Variants in ABCA13 observed in about 807,000 individuals in gnomAD.
ABCA13 encodes the protein ATP binding cassette subfamily A member 13.
A neutral mutation model predicts 478.7 loss-of-function variants in ABCA13; 476 were observed. That is an observed-to-expected ratio of 0.99 (90% confidence interval 0.92 to 1.07). The LOEUF is 1.07. ABCA13 is among the 50% of genes least tolerant of loss of function. The pLI is 0.00. For missense variants in ABCA13, 6,060 were observed against 5,910.6 expected, an observed-to-expected ratio of 1.03 and a Z score of -0.83; for synonymous variants, 2,252 against 2,158.9, an observed-to-expected ratio of 1.04 and a Z score of -1.20.
At chr7:48,280,837 A>G (rs888913723) in intron 18 of ABCA13, among the ~76,000 whole-genome samples, 2 of 152,208 alleles carry the variant, frequency 1.3e-5, no homozygotes, top group African/African-American at 2.4e-5. Context: ...TTTGACTGCT[A>G]GTTTTCAGAG....
chr7:48,605,818 G>A (rs559379946), intron 58 of ABCA13, among the ~76,000 whole-genome samples: 1 of 152,214 alleles, frequency 6.6e-6, no homozygotes, highest in East Asian at 1.9e-4. Context: ...TTCCAACTTG[G>A]TTCCATTCTC....
intron 29 of ABCA13, among the ~76,000 whole-genome samples, chr7:48,340,576 T>G (rs1018582483): frequency 3.3e-5 from 5 of 152,324 alleles, no homozygotes; most frequent in South Asian, 4.1e-4. Flanking sequence ...TGAATTTATA[T>G]GTACTCATAT....
chr7:48,421,807 C>CCAATCCAA (rs1820774215), intron 41 of ABCA13, among the ~76,000 whole-genome samples: 1 of 152,128 alleles, frequency 6.6e-6, no homozygotes, highest in Non-Finnish European at 1.5e-5. Context: ...ATCTCTAATT[C>CCAATCCAA]CAATCCAATT....
intron 57 of ABCA13, among the ~76,000 whole-genome samples, chr7:48,588,822 T>G (rs1356561296): frequency 6.6e-6 from 1 of 152,090 alleles, no homozygotes; most frequent in Non-Finnish European, 1.5e-5. Context: ...GCCTTTGGAG[T>G]TCTCAACAGA....
intron 31 of ABCA13, among the ~76,000 whole-genome samples, chr7:48,362,617 T>C (rs1811058220): frequency 6.6e-6 from 1 of 151,710 alleles, no homozygotes; most frequent in Non-Finnish European, 1.5e-5. Flanking sequence ...ATCTTGTGTT[T>C]CTTATGCTTA....
At position 48,425,757 on chromosome 7, in the gene ABCA13, T is replaced by TTTATTTATTTATTTATTTA. The variant is rs1215137536; in HGVS notation, c.12460-2007_12460-2006insATTTATTTATTTATTTATT. Among the ~76,000 whole-genome samples, 10 of 112,590 alleles carry TTTATTTATTTATTTATTTA rather than the reference T, an allele frequency of 8.9e-5. 1 individual carries two copies. The highest frequency in any genetic ancestry group is 1.3e-4 in the Non-Finnish European group (7 of 55,800). The allele number at this position is 112,590 out of a possible 152,430, so 73.9% of individuals were successfully genotyped here. A position where few individuals can be genotyped will look rare whatever the true frequency, so the allele number is the denominator to read the frequency against. On this transcript the variant is annotated intron_variant, in intron 41 of 61. Coordinates refer to ENST00000435803, the MANE Select transcript of ABCA13 (RefSeq NM_152701.5). ...TATTTATTTATTTATTTATTTATTTTTTCGAGATGGAGTCTCGCTGTCGCC... is the reference window on the plus strand; with the variant it reads ...TATTTATTTATTTATTTATTTATTTTTTATTTATTTATTTATTTATTCGAGATGGAGTCTCGCTGTCGCC...
At chr7:48,222,667 C>T (rs761246224) in intron 5 of ABCA13, among the ~76,000 whole-genome samples, 5 of 152,004 alleles carry the variant, frequency 3.3e-5, no homozygotes, top group South Asian at 2.1e-4. Context: ...CGTATGTTTG[C>T]GATGTAAAAA....
In ABCA13 at chr7:48,469,717, G is replaced by A. The variant is rs539995739; in HGVS notation, c.12906-1813G>A. ...GGGCGGATCACGAGGTCAGGAGTTTGAGACCAGCCTGGCCAACATGGTGAA... is the reference window on the plus strand; with the variant it reads ...GGGCGGATCACGAGGTCAGGAGTTTAAGACCAGCCTGGCCAACATGGTGAA... On this transcript the variant is annotated intron_variant, in intron 44 of 61. Transcript: ENST00000435803. Among the ~76,000 whole-genome samples the A allele has an allele frequency of 2.6e-5, 4 of 152,214 alleles. 1 individual carries two copies. The South Asian group carries it at 8.3e-4, about 32-fold the overall frequency.
chr7:48,358,234 G>C (rs1265224109), intron 31 of ABCA13, among the ~76,000 whole-genome samples: 1 of 85,860 alleles, frequency 1.2e-5, no homozygotes, highest in Non-Finnish European at 2.4e-5. Flanking sequence ...GGGGAGGGGA[G>C]GGGAGGGGAG....
chr7:48,489,977 G>A (rs1364553868), intron 48 of ABCA13, among the ~76,000 whole-genome samples: 1 of 152,062 alleles, frequency 6.6e-6, no homozygotes, highest in Non-Finnish European at 1.5e-5. Flanking sequence ...TAAGCAACAG[G>A]CCATGTCCAC....
Position 48,278,946 on chromosome 7 carries a change from T to G in ABCA13, c.7752T>G (p.Phe2584Leu). The G allele has an allele frequency of 6.2e-7, 1 of 1,613,520 alleles. No homozygotes were observed. The highest frequency in any genetic ancestry group is 8.5e-7 in the Non-Finnish European group (1 of 1,179,836). Reference sequence around the variant, plus strand: ...TAAAAAAAATAGATCATTTCACATTTGAAAAGATAAATGATTTGTTGGTGC... The same window carrying G: ...TAAAAAAAATAGATCATTTCACATTGGAAAAGATAAATGATTTGTTGGTGC... ...ATLKKIDHFTFEKINDLLVPF... is the reference protein window; with the variant it reads ...ATLKKIDHFTLEKINDLLVPF... Residue 2584 changes from phenylalanine to leucine, a missense_variant, in exon 18 of 62, where the codon TTT (phenylalanine) becomes TTG (leucine). Physicochemically the swap from Phe to Leu is conservative, Grantham distance 22. Coordinates refer to ENST00000435803, the MANE Select transcript of ABCA13 (RefSeq NM_152701.5).
At chr7:48,488,674 A>G (rs1439839053) in intron 47 of ABCA13, among the ~76,000 whole-genome samples, 1 of 152,194 alleles carries the variant, frequency 6.6e-6, no homozygotes, top group Non-Finnish European at 1.5e-5. Context: ...TGAAATATAG[A>G]TACTGATGGT....
chr7:48,372,065 G>A, intron 32 of ABCA13, 103 bp from the exon 33 acceptor site: 1 of 1,200,682 alleles, frequency 8.3e-7, no homozygotes, highest in Non-Finnish European at 1.2e-6. Context: ...CAAGCAAGCA[G>A]ATTTACCTTT....
At chr7:48,569,279 T>A (rs1787379538) in intron 55 of ABCA13, among the ~76,000 whole-genome samples, 1 of 152,176 alleles carries the variant, frequency 6.6e-6, no homozygotes, top group Admixed American at 6.5e-5. Flanking sequence ...ATGTACCTTT[T>A]TAGCTGAATA....
chr7:48,469,035 A>G (rs377348134), intron 44 of ABCA13, among the ~76,000 whole-genome samples: 2 of 152,210 alleles, frequency 1.3e-5, no homozygotes, highest in African/African-American at 4.8e-5. Context: ...GTGGCACTTC[A>G]GTGTTGAATT....
chr7:48,368,559 T>A (rs945853801), intron 32 of ABCA13, among the ~76,000 whole-genome samples: 2 of 151,748 alleles, frequency 1.3e-5, no homozygotes, highest in African/African-American at 4.8e-5. Flanking sequence ...CATATGATGT[T>A]TGGTTTTGCA....
chr7:48,324,373 T>G (rs149750802), intron 27 of ABCA13, among the ~76,000 whole-genome samples: 2,065 of 152,296 alleles, frequency 0.014, 18 homozygotes, highest in Admixed American at 0.02. Flanking sequence ...ACTTAATTGA[T>G]GATTTAAATA....
In ABCA13 at chr7:48,232,139, ATTT is replaced by A. The variant is rs71006559; in HGVS notation, c.764-1856_764-1854del. 1.2e-3 allele frequency among the ~76,000 whole-genome samples: 64 copies of A among 51,308 alleles called. 2 individuals are homozygous for A. The highest frequency in any genetic ancestry group is 3.3e-3 in the East Asian group (6 of 1,842). 33.7% of individuals were successfully genotyped at this position (51,308 alleles called of 152,430 possible). A position where few individuals can be genotyped will look rare whatever the true frequency, so the allele number is the denominator to read the frequency against. ...CTCAGCACAGTGAGACCCACATGGA[ATTT>A]TTTTTTTTTTTTTTTTTTTTTTAGC... On this transcript the variant is annotated intron_variant, in intron 7 of 61. Coordinates refer to ENST00000435803, the MANE Select transcript of ABCA13 (RefSeq NM_152701.5).
At position 48,506,442 on chromosome 7, in the gene ABCA13, C is replaced by A. The variant is rs1831217063; in HGVS notation, c.13346+52C>A. ...TGTGACCCTGACTATGGAAGAAAAT[C>A]TTTGTGTTACTTAGGGATGACTTTG... On this transcript the variant is annotated intron_variant, in intron 49 of 61. Transcript: ENST00000435803. 4 of 1,585,906 alleles carry A rather than the reference C, an allele frequency of 2.5e-6. No homozygotes were observed. The South Asian group carries it at 3.3e-5, about 13-fold the overall frequency.
Sources: gnomAD v4.1 joint callset for allele counts (sites outside exome capture counted in the v4.1 genomes callset) on GRCh38, gnomAD v4.1.1 for gene constraint, MANE v1.5 for transcripts, NCBI Gene and HGNC (gene_info 2026-07-23, HGNC 2026-07-21) for gene names.